NR2C1: variants seen among roughly 807,000 people sequenced by gnomAD.
The protein encoded by NR2C1 is nuclear receptor subfamily 2 group C member 1.
In NR2C1, 33 loss-of-function variants were observed where a neutral mutation model predicts 74.8. The ratio of observed to expected loss-of-function variants is 0.44; its 90% CI spans 0.33 to 0.59. NR2C1 has a LOEUF of 0.59. Ranked by LOEUF, NR2C1 falls within the 20% of genes least tolerant of loss-of-function variation. The pLI is 0.02. For synonymous variants in NR2C1, 225 were observed against 240.6 expected (o/e 0.94, Z 0.60); for missense variants, 568 against 715.6 (o/e 0.79, Z 2.35).
At chr12:95,037,063 A>C (rs1870939994) in intron 10 of NR2C1, among the ~76,000 whole-genome samples, 1 of 152,214 alleles carries the variant, frequency 6.6e-6, no homozygotes, top group Admixed American at 6.5e-5. Flanking sequence ...CTGGCTTGGC[A>C]TTTAATGGAA....
At chr12:95,068,811 A>T (rs992443941) in intron 1 of NR2C1, among the ~76,000 whole-genome samples, 1 of 151,850 alleles carries the variant, frequency 6.6e-6, no homozygotes, top group Admixed American at 6.6e-5. Flanking sequence ...AAAAAAAAAA[A>T]AATTAGCCAG....
At chr12:95,031,267 G>C in intron 11 of NR2C1, 82 bp downstream of exon 11, 1 of 1,138,076 alleles carries the variant, frequency 8.8e-7, no homozygotes, top group Non-Finnish European at 1.2e-6. Flanking sequence ...ATAATTATTA[G>C]ATATCTAACT....
intron 7 of NR2C1, among the ~76,000 whole-genome samples, chr12:95,054,270 G>C (rs957804221): frequency 6.6e-6 from 1 of 151,430 alleles, no homozygotes; most frequent in Non-Finnish European, 1.5e-5. Flanking sequence ...AAATAGTAGA[G>C]GTGGGACTGG....
chr12:95,060,428 C>T (rs571645968), intron 3 of NR2C1, among the ~76,000 whole-genome samples: 29 of 152,020 alleles, frequency 1.9e-4, no homozygotes, highest in Non-Finnish European at 4.1e-4. Context: ...CTGAGGCGGG[C>T]AGATCACCTG....
At chr12:95,032,926 C>T (rs1228295533) in intron 10 of NR2C1, among the ~76,000 whole-genome samples, 2 of 152,110 alleles carry the variant, frequency 1.3e-5, no homozygotes, top group African/African-American at 4.8e-5. Flanking sequence ...TGTGATCACA[C>T]CACTGCACTC....
In NR2C1 at chr12:95,051,840, G is replaced by C. The variant is rs1034558461; in HGVS notation, c.887C>G (p.Ser296Cys). 2 of 1,611,058 alleles carry C rather than the reference G, an allele frequency of 1.2e-6. No individual in the cohort carries two copies. Among genetic ancestry groups the C allele is most frequent in the African/African-American group, 2.7e-5 (2 of 74,740 alleles). Residue 296 changes from serine (S) to cysteine (C), a missense_variant, in exon 8 of 14, where the codon TCT (serine) becomes TGT (cysteine). Ser to Cys is a moderately radical substitution (Grantham distance 112). Coordinates refer to ENST00000333003, the MANE Select transcript of NR2C1 (RefSeq NM_003297.4). ...ATCATTGCTTAAGCTTTCAATCATA[G>C]ACATTTCATTACTATTTTGAGAAAG... ...KDLSQNSNEM[S>C]MIESLSNDDT...
chr12:95,061,610 G>A lies in NR2C1; in HGVS notation c.285+898C>T, dbSNP rs796980381. 9.2e-5 allele frequency among the ~76,000 whole-genome samples: 14 copies of A among 152,228 alleles called. 1 individual carries two copies. Among genetic ancestry groups the A allele is most frequent in the African/African-American group, 3.4e-4 (14 of 41,536 alleles). On this transcript the variant is annotated intron_variant, in intron 3 of 13. Coordinates refer to ENST00000333003, the MANE Select transcript of NR2C1 (RefSeq NM_003297.4). ...TAATACAAATATCATTGGATGAATA[G>A]ATGATATCAGGATATACAGACAAAA...
chr12:95,023,252 A>G (rs1332521910), intron 13 of NR2C1, among the ~76,000 whole-genome samples: 3 of 152,170 alleles, frequency 2.0e-5, no homozygotes, highest in Non-Finnish European at 2.9e-5. Context: ...GCATGTGCCT[A>G]TAACCCCAGC....
Position 95,022,174 on chromosome 12 carries a change from GTGTCTTGT to G in NR2C1, c.*47_*54del. ...CCTCAAAAGCAGTGAGTTCAATTTG[GTGTCTTGT>G]GTTCTGGCAAAGAACAGTTAAGTTT... is the stretch of plus-strand genomic sequence containing the variant. On this transcript the variant is annotated 3_prime_UTR_variant, in exon 14 of 14. Transcript: ENST00000333003. The G allele has an allele frequency of 7.3e-7, 1 of 1,365,888 alleles. No homozygotes were observed. 84.6% of individuals were successfully genotyped at this position (1,365,888 alleles called of 1,614,324 possible). A position where few individuals can be genotyped will look rare whatever the true frequency, so the allele number is the denominator to read the frequency against.
chr12:95,059,743 T>C (rs1247389403), intron 4 of NR2C1, among the ~76,000 whole-genome samples, 163 bp downstream of exon 4: 2 of 152,122 alleles, frequency 1.3e-5, no homozygotes, highest in Non-Finnish European at 2.9e-5. Flanking sequence ...ATTAGTTAAA[T>C]GTTATAGGCT....
chr12:95,046,682 C>T (rs918633094), intron 9 of NR2C1, among the ~76,000 whole-genome samples: 1 of 152,070 alleles, frequency 6.6e-6, no homozygotes, highest in Non-Finnish European at 1.5e-5. Context: ...CTACAGTGTA[C>T]ATAGAAATGC....
intron 2 of NR2C1, among the ~76,000 whole-genome samples, chr12:95,065,027 G>A (rs977107706): frequency 6.6e-5 from 10 of 152,182 alleles, no homozygotes; most frequent in Admixed American, 1.3e-4. Flanking sequence ...GAAACATTCT[G>A]CTTAAATGAG....
intron 9 of NR2C1, 37 bp downstream of exon 9, chr12:95,049,031 A>C (rs1872645848): frequency 1.3e-6 from 2 of 1,575,248 alleles, no homozygotes; most frequent in East Asian, 2.2e-5. Context: ...AAATCAAGCA[A>C]CACAACATAC....
Position 95,022,231 on chromosome 12 carries a change from A to G in NR2C1, c.1810T>C (p.Ter604ArgextTer3), listed in dbSNP as rs564932847. The change falls in exon 14 of 14, where the codon TGA (stop) becomes CGA (arginine). Residue 604 changes from the stop codon to arginine (R), a stop_lost. Coordinates refer to ENST00000333003, the MANE Select transcript of NR2C1 (RefSeq NM_003297.4). The stretch of plus-strand genomic sequence containing the variant: ...TTACAGCACTGCAGTCACAGTTTTC[A>G]AATGCTGTGACCAATTATTTGAGAG... ...YNSQIIGHSI[*>R] The G allele has an allele frequency of 1.2e-5, 20 of 1,607,542 alleles. No individual in the cohort carries two copies. In the South Asian group the frequency reaches 2.1e-4, roughly 17 times the overall value.
intron 10 of NR2C1, among the ~76,000 whole-genome samples, chr12:95,034,010 A>G (rs1870493546): frequency 6.6e-6 from 1 of 152,232 alleles, no homozygotes; most frequent in South Asian, 2.1e-4. Context: ...AAATATGTCC[A>G]ACTTAATGAA....
At chr12:95,054,277 C>T (rs989163740) in intron 7 of NR2C1, among the ~76,000 whole-genome samples, 4 of 151,530 alleles carry the variant, frequency 2.6e-5, no homozygotes, top group African/African-American at 7.3e-5. Context: ...AGAGGTGGGA[C>T]TGGCTGACTG....
At chr12:95,024,371 T>C (rs569998506) in intron 13 of NR2C1, among the ~76,000 whole-genome samples, 2 of 152,168 alleles carry the variant, frequency 1.3e-5, no homozygotes, top group Admixed American at 1.3e-4. Context: ...TGAGGAAACA[T>C]GCCCAAGGTT....
At chr12:95,065,822 C>T (rs907691829) in intron 2 of NR2C1, among the ~76,000 whole-genome samples, 2 of 151,850 alleles carry the variant, frequency 1.3e-5, no homozygotes, top group African/African-American at 4.8e-5. Context: ...TGGTGGCAGG[C>T]ACCTGTAATC....
chr12:95,041,421 G>A (rs1365211108), intron 9 of NR2C1, among the ~76,000 whole-genome samples: 1 of 152,106 alleles, frequency 6.6e-6, no homozygotes, highest in Non-Finnish European at 1.5e-5. Flanking sequence ...AGTGGAGGTT[G>A]CAGTGAGCCA....
Sources: gnomAD v4.1 joint callset for allele counts (sites outside exome capture counted in the v4.1 genomes callset) on GRCh38, gnomAD v4.1.1 for gene constraint, MANE v1.5 for transcripts, NCBI Gene and HGNC (gene_info 2026-07-23, HGNC 2026-07-21) for gene names.